The following RANBP17 variants were observed in gnomAD, a reference collection of about 807,000 sequenced individuals.
RANBP17 encodes ran-binding protein 17.
In RANBP17, 158 loss-of-function variants were observed where a neutral mutation model predicts 141.2. That is an observed-to-expected ratio of 1.12 (90% CI 0.98 to 1.28). RANBP17 has a LOEUF of 1.28. RANBP17 is among the 50% of genes most tolerant of loss of function. The pLI, the probability that RANBP17 is intolerant of heterozygous loss-of-function variation, is 0.00. For synonymous variants in RANBP17, 430 were observed against 450.0 expected (o/e 0.96, Z 0.56); for missense variants, 1,438 against 1,290.7 (o/e 1.11, Z -1.75).
At chr5:171,205,642 C>T (rs1762537629) in intron 20 of RANBP17, 30 bp downstream of exon 20, 1 of 1,549,738 alleles carries the variant, frequency 6.5e-7, no homozygotes, top group African/African-American at 1.4e-5. Flanking sequence ...ACAATACCAG[C>T]TCTGTGCACA....
chr5:171,155,284 A>G (rs1347035375), intron 14 of RANBP17, among the ~76,000 whole-genome samples: 1 of 151,616 alleles, frequency 6.6e-6, no homozygotes, highest in African/African-American at 2.4e-5. Context: ...TAAAGATTTA[A>G]AATAAAATTT....
At chr5:170,862,188 C>A in intron 1 of RANBP17, 137 bp downstream of exon 1, 1 of 890,856 alleles carries the variant, frequency 1.1e-6, no homozygotes, top group Non-Finnish European at 1.5e-6. Context: ...CCAGCCCCTG[C>A]CTCTGCCCCT....
At chr5:170,915,437 CT>C (rs921591540) in intron 8 of RANBP17, among the ~76,000 whole-genome samples, 3 of 152,062 alleles carry the variant, frequency 2.0e-5, no homozygotes, top group Non-Finnish European at 2.9e-5. Context: ...AAACACAGGT[CT>C]TTTTTGCCCC....
At chr5:171,276,119 G>A (rs1235085582) in intron 25 of RANBP17, among the ~76,000 whole-genome samples, 2 of 152,212 alleles carry the variant, frequency 1.3e-5, no homozygotes, top group African/African-American at 2.4e-5. Flanking sequence ...ACAGCATGAA[G>A]GTGAAAGGTC....
At chr5:171,016,571 A>G (rs147305419) in intron 14 of RANBP17, among the ~76,000 whole-genome samples, 19 of 152,136 alleles carry the variant, frequency 1.2e-4, no homozygotes, top group Middle Eastern at 6.8e-3. Flanking sequence ...TCTAGGGTAC[A>G]TGTGCACAAT....
chr5:171,162,905 G>C (rs536425486), intron 14 of RANBP17, among the ~76,000 whole-genome samples: 1 of 152,266 alleles, frequency 6.6e-6, no homozygotes, highest in Non-Finnish European at 1.5e-5. Flanking sequence ...TTATACAATA[G>C]CTTATTCAAG....
chr5:170,863,444 T>G (rs200213293), intron 1 of RANBP17: 4 of 144,454 alleles, frequency 2.8e-5, no homozygotes, highest in Admixed American at 1.4e-4. Context: ...GTCTTTTTTT[T>G]AAAACCAGTT....
intron 14 of RANBP17, among the ~76,000 whole-genome samples, chr5:171,006,012 C>T (rs1332103192): frequency 1.3e-5 from 2 of 152,086 alleles, no homozygotes; most frequent in East Asian, 3.8e-4. Context: ...TCATCACTGG[C>T]CATCAGAGAA....
In RANBP17 at chr5:171,036,667, C is replaced by G. The variant is rs1781902444; in HGVS notation, c.1710+68290C>G. ...GTGGGTACCCACTATTTAGCTACCA[C>G]TTGCAAGTAATAACATGTGGTATTT... is the stretch of plus-strand genomic sequence containing the variant. On this transcript the variant is annotated intron_variant, in intron 14 of 27. Coordinates refer to ENST00000523189, the MANE Select transcript of RANBP17 (RefSeq NM_022897.5). Among the ~76,000 whole-genome samples the G allele has an allele frequency of 5.3e-5, 8 of 152,016 alleles. No individual in the cohort carries two copies. In the South Asian group the frequency reaches 1.7e-3, roughly 32 times the overall value.
chr5:171,242,487 G>A (rs150536186), intron 23 of RANBP17, among the ~76,000 whole-genome samples, 195 bp from the exon 24 acceptor site: 29 of 152,340 alleles, frequency 1.9e-4, no homozygotes, highest in African/African-American at 6.5e-4. Flanking sequence ...ATAAGGTAAA[G>A]AGATCAAGCG....
intron 18 of RANBP17, among the ~76,000 whole-genome samples, chr5:171,197,679 A>G (rs1451554267): frequency 1.3e-5 from 2 of 152,204 alleles, no homozygotes; most frequent in Non-Finnish European, 2.9e-5. Flanking sequence ...TGTAAGTGGT[A>G]TTATTGTTGC....
At chr5:171,274,711 TAA>T (rs1026471489) in intron 25 of RANBP17, among the ~76,000 whole-genome samples, 29 of 152,252 alleles carry the variant, frequency 1.9e-4, no homozygotes, top group African/African-American at 7.0e-4. Context: ...TGATAGTCAA[TAA>T]GTGTTTGCAA....
chr5:171,071,153 C>T (rs1784611874), intron 14 of RANBP17, among the ~76,000 whole-genome samples: 3 of 152,144 alleles, frequency 2.0e-5, no homozygotes, highest in South Asian at 4.1e-4. Flanking sequence ...TGTGTAACCT[C>T]GCCATTTTTA....
chr5:170,982,654 A>G (rs1581310864), intron 14 of RANBP17, among the ~76,000 whole-genome samples: 1 of 152,178 alleles, frequency 6.6e-6, no homozygotes, highest in African/African-American at 2.4e-5. Context: ...GATTAATGGG[A>G]GTTCCAGTAA....
rs546566278 is a variant in RANBP17 at position 170,906,593 on chromosome 5, G to A, written c.490-3068G>A. Among the ~76,000 whole-genome samples, 55 of 152,050 alleles carry A rather than the reference G, an allele frequency of 3.6e-4. 1 individual carries two copies. The South Asian group carries it at 0.011, about 30-fold the overall frequency. ...CTGTTGTAATTAATACATATTTTGT[G>A]AAAAGGTACTTAAGTCTCTGAAAAT... On this transcript the variant is annotated intron_variant, in intron 5 of 27. Coordinates refer to ENST00000523189, the MANE Select transcript of RANBP17 (RefSeq NM_022897.5).
chr5:171,125,032 C>T (rs988817831), intron 14 of RANBP17, among the ~76,000 whole-genome samples: 9 of 152,174 alleles, frequency 5.9e-5, no homozygotes, highest in East Asian at 1.9e-4. Context: ...CGGTGGCTCA[C>T]GCCTGTAATC....
chr5:171,166,530 G>A (rs1759711667), intron 14 of RANBP17, among the ~76,000 whole-genome samples: 1 of 151,594 alleles, frequency 6.6e-6, no homozygotes, highest in Non-Finnish European at 1.5e-5. Flanking sequence ...AATTATTTCG[G>A]TTGAAATAAT....
intron 14 of RANBP17, among the ~76,000 whole-genome samples, chr5:171,125,766 A>G (rs1289498428): frequency 1.3e-5 from 2 of 152,192 alleles, no homozygotes; most frequent in Non-Finnish European, 2.9e-5. Context: ...GCCACATGTT[A>G]AGACACACAA....
chr5:171,092,199 T>G (rs1257404558), intron 14 of RANBP17, among the ~76,000 whole-genome samples: 1 of 152,148 alleles, frequency 6.6e-6, no homozygotes, highest in African/African-American at 2.4e-5. Context: ...GGAAAAAAAT[T>G]TCCTTTCTGA....
Sources: gnomAD v4.1 joint callset for allele counts (sites outside exome capture counted in the v4.1 genomes callset) on GRCh38, gnomAD v4.1.1 for gene constraint, MANE v1.5 for transcripts, NCBI Gene and HGNC (gene_info 2026-07-23, HGNC 2026-07-21) for gene names.